CWC27: variants seen among roughly 807,000 people sequenced by gnomAD.
The protein encoded by CWC27 is spliceosome-associated protein CWC27 homolog.
Under a neutral mutation model 63.6 loss-of-function variants are expected in CWC27, and 47 were observed. The ratio of observed to expected loss-of-function variants is 0.74; its 90% CI spans 0.58 to 0.94. The LOEUF (loss-of-function observed/expected upper bound fraction) is 0.94. CWC27 is among the 40% of genes least tolerant of loss of function. The pLI is 0.00. For missense variants in CWC27, 495 were observed against 554.3 expected (o/e 0.89, Z 1.07); for synonymous variants, 175 against 179.8 (o/e 0.97, Z 0.22).
At chr5:64,802,507 C>G (rs1318880637) in intron 9 of CWC27, among the ~76,000 whole-genome samples, 1 of 151,944 alleles carries the variant, frequency 6.6e-6, no homozygotes, top group African/African-American at 2.4e-5. Context: ...TCACTATTGG[C>G]GATATTATAG....
intron 10 of CWC27, among the ~76,000 whole-genome samples, chr5:64,843,131 G>T (rs1745887743): frequency 6.6e-6 from 1 of 152,166 alleles, no homozygotes; most frequent in Non-Finnish European, 1.5e-5. Flanking sequence ...CAGTCCACTG[G>T]TTGTCAGTTG....
intron 11 of CWC27, among the ~76,000 whole-genome samples, chr5:64,932,415 T>C (rs1329903540): frequency 6.6e-6 from 1 of 152,166 alleles, no homozygotes; most frequent in Non-Finnish European, 1.5e-5. Context: ...CATTAAATTT[T>C]GTTTGGGATG....
intron 10 of CWC27, among the ~76,000 whole-genome samples, chr5:64,814,079 A>ATT (rs74634111): frequency 0.016 from 2,283 of 142,740 alleles, 61 homozygotes; most frequent in African/African-American, 0.055. Context: ...TTTTTTTGCG[A>ATT]TTTTTTTTTT....
At chr5:64,995,820 G>T (rs142722217) in intron 13 of CWC27, among the ~76,000 whole-genome samples, 18 of 152,252 alleles carry the variant, frequency 1.2e-4, no homozygotes, top group African/African-American at 4.3e-4. Flanking sequence ...TACTTTGAAA[G>T]TTTAAGTGGT....
chr5:64,833,845 G>T (rs1361763821), intron 10 of CWC27, among the ~76,000 whole-genome samples: 2 of 151,460 alleles, frequency 1.3e-5, no homozygotes, highest in Non-Finnish European at 3.0e-5. Flanking sequence ...GCTCTTAATT[G>T]CTCCTGTCTT....
intron 11 of CWC27, among the ~76,000 whole-genome samples, chr5:64,917,672 A>G (rs997146108): frequency 3.3e-5 from 5 of 152,210 alleles, no homozygotes; most frequent in Non-Finnish European, 7.3e-5. Context: ...CCTGCAAATA[A>G]GGAGGAACTC....
In CWC27 at chr5:65,011,180, C is replaced by T. The variant is rs189507596; in HGVS notation, c.1257-6979C>T. On this transcript the variant is annotated intron_variant, in intron 13 of 13. Coordinates refer to ENST00000381070, the MANE Select transcript of CWC27 (RefSeq NM_005869.4). Reference sequence around the variant, plus strand: ...TCAGGGCTATAGTGTGCTATGATTACTTGAATAGCCACTGCATTCCAGCCT... The same window carrying T: ...TCAGGGCTATAGTGTGCTATGATTATTTGAATAGCCACTGCATTCCAGCCT... 3.0e-4 allele frequency among the ~76,000 whole-genome samples: 46 copies of T among 152,178 alleles called. No individual in the cohort carries two copies. The East Asian group carries it at 8.7e-3, about 29-fold the overall frequency.
chr5:64,814,683 C>T (rs896009887), intron 10 of CWC27, among the ~76,000 whole-genome samples: 12 of 152,246 alleles, frequency 7.9e-5, no homozygotes, highest in African/African-American at 2.9e-4. Context: ...GAGGGGTTGG[C>T]CAGAGCCAAG....
intron 10 of CWC27, among the ~76,000 whole-genome samples, chr5:64,823,442 A>T (rs912231014): frequency 6.6e-6 from 1 of 152,224 alleles, no homozygotes; most frequent in African/African-American, 2.4e-5. Flanking sequence ...CCAATGAAGT[A>T]GAATTGATGA....
chr5:64,901,972 G>C (rs1747520497), intron 11 of CWC27, among the ~76,000 whole-genome samples: 1 of 152,042 alleles, frequency 6.6e-6, no homozygotes, highest in Non-Finnish European at 1.5e-5. Flanking sequence ...CCACTGATGG[G>C]TCTTCAGGGG....
chr5:64,990,267 T>TTTTTTTTTTTTTTTTTTTTTTTTG (rs1561181450), intron 13 of CWC27, among the ~76,000 whole-genome samples: 1 of 18,724 alleles, frequency 5.3e-5, no homozygotes. Context: ...TTTTTTTTTG[T>TTTTTTTTTTTTTTTTTTTTTTTTG]TTTTTTTTTT....
intron 10 of CWC27, among the ~76,000 whole-genome samples, chr5:64,878,551 T>C (rs1031059121): frequency 5.4e-5 from 8 of 148,892 alleles, no homozygotes; most frequent in African/African-American, 2.0e-4. Flanking sequence ...TGCATCAGTT[T>C]TGCATATTAT....
At position 64,818,726 on chromosome 5, in the gene CWC27, G is replaced by T. The variant is rs185251173; in HGVS notation, c.938+14340G>T. On this transcript the variant is annotated intron_variant, in intron 10 of 13. Transcript: ENST00000381070. The stretch of plus-strand genomic sequence containing the variant: ...GGAAATACATTTAGTGTGATAGAAG[G>T]TGAGGTTATCTAATCCTGATGGTAC... Among the ~76,000 whole-genome samples, 3 of 152,250 alleles carry T rather than the reference G, an allele frequency of 2.0e-5. No homozygotes were observed. In the East Asian group the frequency reaches 5.8e-4, roughly 29 times the overall value.
intron 11 of CWC27, among the ~76,000 whole-genome samples, chr5:64,911,008 A>G (rs1747775112): frequency 6.6e-6 from 1 of 152,168 alleles, no homozygotes; most frequent in Non-Finnish European, 1.5e-5. Context: ...TCAGTTGGAA[A>G]TGCAGAAATC....
At chr5:64,771,788 A>G (rs1046653374) in intron 1 of CWC27, among the ~76,000 whole-genome samples, 33 of 152,240 alleles carry the variant, frequency 2.2e-4, no homozygotes, top group Admixed American at 1.8e-3. Context: ...ACCAAAGAGA[A>G]TGTATGGCCA....
chr5:64,867,940 G>A (rs963143780), intron 10 of CWC27, among the ~76,000 whole-genome samples: 1 of 55,364 alleles, frequency 1.8e-5, no homozygotes, highest in African/African-American at 9.5e-5. Flanking sequence ...GTTGTGTTTG[G>A]GGGGGGGGCT....
At chr5:64,942,521 A>G (rs1748505798) in intron 11 of CWC27, among the ~76,000 whole-genome samples, 1 of 151,928 alleles carries the variant, frequency 6.6e-6, no homozygotes, top group Admixed American at 6.6e-5. Context: ...GAAAACACAC[A>G]TATATATGTA....
At chr5:65,000,808 G>A (rs966822894) in intron 13 of CWC27, among the ~76,000 whole-genome samples, 1 of 152,022 alleles carries the variant, frequency 6.6e-6, no homozygotes, top group Non-Finnish European at 1.5e-5. Context: ...TGGCTATTTG[G>A]TGTCTTTTGT....
In CWC27 at chr5:64,856,374, A is replaced by G. The variant is rs187739450; in HGVS notation, c.939-29069A>G. 2.4e-3 allele frequency among the ~76,000 whole-genome samples: 368 copies of G among 152,068 alleles called. 5 individuals are homozygous for G. Among genetic ancestry groups the G allele is most frequent in the Non-Finnish European group, 1.1e-3 (74 of 67,900 alleles). ...AAAACTGATGGAGTCAGTTTTATTA[A>G]ATTCCCTGAAAACAATTTTCTGTAT... On this transcript the variant is annotated intron_variant, in intron 10 of 13. Transcript: ENST00000381070.
Sources: allele counts gnomAD v4.1 joint callset (sites outside exome capture counted in the v4.1 genomes callset), GRCh38; gene constraint gnomAD v4.1.1; transcripts MANE v1.5; gene names NCBI Gene and HGNC (gene_info 2026-07-23, HGNC 2026-07-21).